NDUFA8: variants seen among roughly 807,000 people sequenced by gnomAD.
The protein encoded by NDUFA8 is NADH dehydrogenase [ubiquinone] 1 alpha subcomplex subunit 8.
A neutral mutation model predicts 20.9 loss-of-function variants in NDUFA8; 16 were observed. That is an observed-to-expected ratio of 0.77 (90% CI 0.52 to 1.16). The LOEUF is 1.16. Ranked by LOEUF, NDUFA8 falls within the 50% of genes most tolerant of loss-of-function variation. The pLI, the probability that NDUFA8 is intolerant of heterozygous loss-of-function variation, is 0.00. For synonymous variants in NDUFA8, 70 were observed against 76.1 expected (o/e 0.92, Z 0.41); for missense variants, 202 against 216.4 (o/e 0.93, Z 0.42).
intron 3 of NDUFA8, among the ~76,000 whole-genome samples, chr9:122,145,572 T>C (rs768340085): frequency 1.3e-5 from 2 of 152,254 alleles, no homozygotes; most frequent in African/African-American, 2.4e-5. Flanking sequence ...AAACCTTTTA[T>C]TGGGAACAGA....
At chr9:122,138,865 T>TGGGGGG in the NDUFA8 span, among the ~76,000 whole-genome samples, 5 of 89,442 alleles carry the variant, frequency 5.6e-5, no homozygotes, top group Admixed American at 1.4e-4. Flanking sequence ...CAAGAAGAGG[T>TGGGGGG]GGGGGGGGGG....
intron 1 of NDUFA8, among the ~76,000 whole-genome samples, chr9:122,159,054 C>T (rs1360969553): frequency 6.6e-6 from 1 of 152,122 alleles, no homozygotes; most frequent in Non-Finnish European, 1.5e-5. Context: ...TCTCTTCCAG[C>T]GTTATGTGTA....
chr9:122,154,576 A>G (rs1280850963), intron 1 of NDUFA8, among the ~76,000 whole-genome samples: 3 of 152,210 alleles, frequency 2.0e-5, no homozygotes, highest in Non-Finnish European at 4.4e-5. Context: ...GTTCTGACAC[A>G]AAACTCAAGA....
chr9:122,150,497 T>C (rs972226237), intron 2 of NDUFA8, among the ~76,000 whole-genome samples: 1 of 150,758 alleles, frequency 6.6e-6, no homozygotes, highest in African/African-American at 2.4e-5. Flanking sequence ...AACTCACTGT[T>C]AGGAAATTTA....
chr9:122,151,496 C>G (rs995802294), intron 2 of NDUFA8, among the ~76,000 whole-genome samples: 1 of 152,250 alleles, frequency 6.6e-6, no homozygotes, highest in Non-Finnish European at 1.5e-5. Flanking sequence ...ATCAACAGAA[C>G]AGCAACTCGA....
intron 3 of NDUFA8, among the ~76,000 whole-genome samples, chr9:122,147,639 T>TC (rs1192513181): frequency 6.7e-6 from 1 of 150,000 alleles, no homozygotes; most frequent in Non-Finnish European, 1.5e-5. Context: ...TTTTTTTTTT[T>TC]TGAGACGGAG....
chr9:122,156,206 CTT>C (rs1274070949), intron 1 of NDUFA8, among the ~76,000 whole-genome samples: 6 of 152,300 alleles, frequency 3.9e-5, no homozygotes, highest in South Asian at 2.1e-4. Context: ...ATTCAGATCT[CTT>C]TGTCTCAAAC....
intron 1 of NDUFA8, 147 bp from the exon 2 acceptor site, chr9:122,152,555 ATTTTTT>A (rs59160522): frequency 4.3e-6 from 2 of 462,320 alleles, no homozygotes; most frequent in Non-Finnish European, 7.3e-6. Context: ...CATAATAATA[ATTTTTT>A]TTTTTTTTTT....
At chr9:122,137,584 C>T in the NDUFA8 span, among the ~76,000 whole-genome samples, 1 of 152,196 alleles carries the variant, frequency 6.6e-6, no homozygotes, top group Non-Finnish European at 1.5e-5. Context: ...ATCTTAGAAT[C>T]TCTTCCATAT....
chr9:122,155,817 C>T lies in NDUFA8; in HGVS notation c.52-3409G>A, dbSNP rs542336213. On this transcript the variant is annotated intron_variant, in intron 1 of 3. Transcript: ENST00000373768. ...AATTATTCAAAGGCCCAAAACTATACGGCCCAAAAAGACTGACGCATTATT... is the reference window on the plus strand; with the variant it reads ...AATTATTCAAAGGCCCAAAACTATATGGCCCAAAAAGACTGACGCATTATT... 6.3e-4 allele frequency among the ~76,000 whole-genome samples: 96 copies of T among 152,262 alleles called. 2 individuals are homozygous for T. The South Asian group carries it at 0.019, about 30-fold the overall frequency.
intron 2 of NDUFA8, among the ~76,000 whole-genome samples, chr9:122,150,801 C>A (rs58029848): frequency 6.6e-6 from 1 of 151,860 alleles, no homozygotes; most frequent in Non-Finnish European, 1.5e-5. Flanking sequence ...GAAACCCCAT[C>A]TCTACCAAAA....
At chr9:122,158,166 CAAACA>C (rs1428681616) in intron 1 of NDUFA8, among the ~76,000 whole-genome samples, 2 of 152,078 alleles carry the variant, frequency 1.3e-5, no homozygotes, top group African/African-American at 2.4e-5. Context: ...ACAAAACAAA[CAAACA>C]AAACACTTAA....
chr9:122,144,431 C>A, intron 3 of NDUFA8, 53 bp from the exon 4 acceptor site: 1 of 1,559,922 alleles, frequency 6.4e-7, no homozygotes, highest in African/African-American at 1.4e-5. Flanking sequence ...GTGGAGGAAT[C>A]TGTAACCATC....
chr9:122,137,620 T>C, the NDUFA8 span, among the ~76,000 whole-genome samples: 1 of 152,204 alleles, frequency 6.6e-6, no homozygotes, highest in Non-Finnish European at 1.5e-5. Context: ...TCAGTGTGGG[T>C]GATCTATTTA....
intron 3 of NDUFA8, among the ~76,000 whole-genome samples, chr9:122,145,631 G>T (rs947465994): frequency 6.6e-6 from 1 of 152,166 alleles, no homozygotes. Flanking sequence ...ACCTTATGAG[G>T]CATTATTATC....
At chr9:122,135,212 G>A in the NDUFA8 span, among the ~76,000 whole-genome samples, 1 of 152,194 alleles carries the variant, frequency 6.6e-6, no homozygotes, top group East Asian at 1.9e-4. Context: ...TTGTCAGTCT[G>A]AGGGGTCCCA....
chr9:122,159,635 CT>C lies in NDUFA8; in HGVS notation c.42del (p.Val15Ter). ...CCTCCGGATAGCCTCACCTCATCTACTTTCAGCTCCTCTAGAGTGGGCAGCT... is the reference window on the plus strand; with the variant it reads ...CCTCCGGATAGCCTCACCTCATCTACTTCAGCTCCTCTAGAGTGGGCAGCT... The part of the protein sequence containing the change: ...IVELPTLEEL[K>X]VDEVKISSAV... On this transcript the variant is annotated frameshift_variant, in exon 1 of 4. Coordinates refer to ENST00000373768, the MANE Select transcript of NDUFA8 (RefSeq NM_014222.3). LOFTEE classifies it high-confidence loss of function. 2 of 1,614,180 alleles carry C rather than the reference CT, an allele frequency of 1.2e-6. No individual in the cohort carries two copies. The highest frequency in any genetic ancestry group is 1.7e-6 in the Non-Finnish European group (2 of 1,180,004).
the NDUFA8 span, among the ~76,000 whole-genome samples, chr9:122,137,990 C>A: frequency 1.3e-5 from 2 of 152,162 alleles, no homozygotes; most frequent in Non-Finnish European, 2.9e-5. Flanking sequence ...CTGGAAAGTT[C>A]TTTGGTATGA....
downstream of NDUFA8, among the ~76,000 whole-genome samples, chr9:122,140,300 G>C (rs953909882): frequency 2.6e-5 from 4 of 152,040 alleles, no homozygotes; most frequent in South Asian, 4.2e-4. Flanking sequence ...ACACATAAAG[G>C]CATCACAACC....
Sources: gnomAD v4.1 joint callset for allele counts (sites outside exome capture counted in the v4.1 genomes callset) on GRCh38, gnomAD v4.1.1 for gene constraint, MANE v1.5 for transcripts, NCBI Gene and HGNC (gene_info 2026-07-23, HGNC 2026-07-21) for gene names.